Variants in PKP4 observed in about 807,000 individuals in gnomAD.
The protein encoded by PKP4 is plakophilin 4, also known as plakophilin-4.
A neutral mutation model predicts 145.1 loss-of-function variants in PKP4; 90 were observed. That is an observed-to-expected ratio of 0.62 (90% CI 0.52 to 0.74). The LOEUF is 0.74. Among genes scored for constraint, PKP4 ranks in the 30% least tolerant of loss-of-function variants. PKP4 has a pLI of 0.00. For synonymous variants in PKP4, 563 were observed against 577.2 expected (o/e 0.98, Z 0.35); for missense variants, 1,340 against 1,482.7 (o/e 0.90, Z 1.58).
intron 1 of PKP4, among the ~76,000 whole-genome samples, chr2:158,510,719 G>C (rs1006597623): frequency 1.3e-5 from 2 of 152,164 alleles, no homozygotes; most frequent in African/African-American, 4.8e-5. Context: ...CTGGTGGGGT[G>C]GGGTGAGTCC....
At chr2:158,480,611 T>A (rs1435056703) in intron 1 of PKP4, among the ~76,000 whole-genome samples, 1 of 151,986 alleles carries the variant, frequency 6.6e-6, no homozygotes, top group African/African-American at 2.4e-5. Flanking sequence ...CAGCATTTCT[T>A]TAAGAGGAAT....
intron 1 of PKP4, among the ~76,000 whole-genome samples, chr2:158,466,579 C>T (rs890825157): frequency 1.3e-5 from 2 of 151,360 alleles, no homozygotes; most frequent in African/African-American, 2.4e-5. Flanking sequence ...GTGGCGGGCG[C>T]CTGTAGTCCC....
intron 4 of PKP4, among the ~76,000 whole-genome samples, chr2:158,607,826 G>A (rs1026362691): frequency 6.6e-6 from 1 of 152,104 alleles, no homozygotes; most frequent in Admixed American, 6.5e-5. Context: ...AATGAGTTTA[G>A]ATTATGAAGA....
At chr2:158,678,761 A>T in intron 21 of PKP4, 107 bp downstream of exon 21, 1 of 788,506 alleles carries the variant, frequency 1.3e-6, no homozygotes, top group Non-Finnish European at 2.3e-6. Context: ...AGGGTCCTAG[A>T]TGCTTTCCCT....
intron 1 of PKP4, among the ~76,000 whole-genome samples, chr2:158,477,648 G>A (rs899537859): frequency 6.6e-6 from 1 of 152,166 alleles, no homozygotes; most frequent in Non-Finnish European, 1.5e-5. Flanking sequence ...CTGGGATTAG[G>A]CTGAAGTCCA....
chr2:158,515,565 C>A (rs1477550791), intron 1 of PKP4, among the ~76,000 whole-genome samples: 1 of 152,030 alleles, frequency 6.6e-6, no homozygotes, highest in Non-Finnish European at 1.5e-5. Context: ...TTTTCTGTAC[C>A]ATTTCTTAAA....
Position 158,680,551 on chromosome 2 carries a change from A to G in PKP4, c.3453A>G (p.Pro1151=), listed in dbSNP as rs367736853. 2.4e-5 allele frequency: 38 copies of G among 1,614,172 alleles called. 1 individual carries two copies. In the South Asian group the frequency reaches 3.8e-4, roughly 16 times the overall value. ...DPYFDDRVHF[P]ASTDYSTQYG... ...ATTTTGATGACCGAGTTCACTTTCC[A>G]GCTTCTACTGATTACTCAACACAGT... Residue 1151 remains proline (P), a synonymous_variant, in exon 22 of 22, where the codon CCA becomes CCG. Transcript: ENST00000389759.
chr2:158,529,499 A>G (rs1164505948), intron 1 of PKP4, among the ~76,000 whole-genome samples: 1 of 152,124 alleles, frequency 6.6e-6, no homozygotes, highest in Non-Finnish European at 1.5e-5. Flanking sequence ...CACCCCACTC[A>G]TCATCTCTTG....
At chr2:158,546,875 A>C (rs1359905934) in intron 2 of PKP4, among the ~76,000 whole-genome samples, 1 of 152,184 alleles carries the variant, frequency 6.6e-6, no homozygotes, top group East Asian at 1.9e-4. Context: ...TTTTTTATGC[A>C]GTAAGATAAG....
chr2:158,621,606 C>T (rs990901202), intron 6 of PKP4, among the ~76,000 whole-genome samples, 185 bp downstream of exon 6: 9 of 151,932 alleles, frequency 5.9e-5, no homozygotes, highest in Non-Finnish European at 1.3e-4. Context: ...ATTAGCCGGG[C>T]GTGGTGGCGG....
At chr2:158,664,362 G>A (rs767325663) in intron 15 of PKP4, among the ~76,000 whole-genome samples, 2 of 152,198 alleles carry the variant, frequency 1.3e-5, no homozygotes, top group Non-Finnish European at 2.9e-5. Flanking sequence ...ACTGAAGACA[G>A]TTTCCTTTTG....
intron 3 of PKP4, among the ~76,000 whole-genome samples, chr2:158,601,912 C>T (rs1039470990): frequency 6.6e-6 from 1 of 152,092 alleles, no homozygotes; most frequent in Non-Finnish European, 1.5e-5. Context: ...GGTTCTTCCC[C>T]CACTCCAAGT....
chr2:158,555,361 G>A (rs542771709), intron 2 of PKP4, among the ~76,000 whole-genome samples: 3 of 152,306 alleles, frequency 2.0e-5, no homozygotes, highest in South Asian at 2.1e-4. Flanking sequence ...AGAAATGTTA[G>A]CTCATCTTAA....
In PKP4 at chr2:158,625,508, G is replaced by C; in HGVS notation, c.1153+81G>C. 3 of 1,162,354 alleles carry C rather than the reference G, an allele frequency of 2.6e-6. No homozygotes were observed. In the South Asian group the frequency reaches 5.0e-5, roughly 19 times the overall value. 72.0% of individuals were successfully genotyped at this position (1,162,354 alleles called of 1,614,324 possible). A position where few individuals can be genotyped will look rare whatever the true frequency, so the allele number is the denominator to read the frequency against. ...CTTAAGTTGAAACAAAGAATGAAAAGGTGGAAAAGGCTCATTCGTGTTTTT... is the reference window on the plus strand; with the variant it reads ...CTTAAGTTGAAACAAAGAATGAAAACGTGGAAAAGGCTCATTCGTGTTTTT... On this transcript the variant is annotated intron_variant, in intron 7 of 21. Coordinates refer to ENST00000389759, the MANE Select transcript of PKP4 (RefSeq NM_003628.6).
chr2:158,529,068 G>A (rs956839517), intron 1 of PKP4, among the ~76,000 whole-genome samples: 1 of 152,106 alleles, frequency 6.6e-6, no homozygotes, highest in African/African-American at 2.4e-5. Context: ...AATCATCATC[G>A]AGACTCTGAT....
chr2:158,507,745 C>T (rs1207695364), intron 1 of PKP4, among the ~76,000 whole-genome samples: 1 of 152,068 alleles, frequency 6.6e-6, no homozygotes, highest in Non-Finnish European at 1.5e-5. Context: ...CAAGTTAATA[C>T]ATTGAATTGA....
chr2:158,672,120 G>A (rs778327739), intron 17 of PKP4, among the ~76,000 whole-genome samples: 5 of 152,210 alleles, frequency 3.3e-5, no homozygotes, highest in Non-Finnish European at 7.3e-5. Flanking sequence ...CATCCCCTCT[G>A]CACTTATCCG....
At chr2:158,529,211 A>G (rs1397040645) in intron 1 of PKP4, among the ~76,000 whole-genome samples, 1 of 152,226 alleles carries the variant, frequency 6.6e-6, no homozygotes, top group Non-Finnish European at 1.5e-5. Context: ...TTCCAAATAT[A>G]AAGACAGTAA....
intron 1 of PKP4, among the ~76,000 whole-genome samples, chr2:158,523,602 C>T: frequency 8.3e-6 from 1 of 121,092 alleles, no homozygotes; most frequent in Non-Finnish European, 1.7e-5. Context: ...AACGCAGTTC[C>T]TCACCAGCAA....
Sources: allele counts gnomAD v4.1 joint callset (sites outside exome capture counted in the v4.1 genomes callset), GRCh38; gene constraint gnomAD v4.1.1; transcripts MANE v1.5; gene names NCBI Gene and HGNC (gene_info 2026-07-23, HGNC 2026-07-21).